PRKN: variants seen among roughly 807,000 people sequenced by gnomAD.
PRKN encodes parkin RBR E3 ubiquitin protein ligase.
Under a neutral mutation model 59.5 loss-of-function variants are expected in PRKN, and 56 were observed. The ratio of observed to expected loss-of-function variants is 0.94; its 90% CI spans 0.76 to 1.18. The LOEUF is 1.18. Among genes scored for constraint, PRKN ranks in the 50% most tolerant of loss-of-function variants. The pLI is 0.00. For missense variants in PRKN, 657 were observed against 596.4 expected (o/e 1.10, Z -1.06); for synonymous variants, 250 against 222.1 (o/e 1.13, Z -1.12).
At chr6:161,658,814 T>G (rs1664581238) in intron 7 of PRKN, among the ~76,000 whole-genome samples, 1 of 152,220 alleles carries the variant, frequency 6.6e-6, no homozygotes, top group Admixed American at 6.5e-5. Flanking sequence ...CAAGGAGCTG[T>G]TATTACAATG....
chr6:162,355,866 T>A (rs1184150837), intron 2 of PRKN, among the ~76,000 whole-genome samples: 3 of 152,194 alleles, frequency 2.0e-5, no homozygotes, highest in Admixed American at 2.0e-4. Context: ...ATTAATTAGG[T>A]TTACCTTAAC....
chr6:161,838,674 G>A (rs58551010), intron 6 of PRKN, among the ~76,000 whole-genome samples: 27,885 of 148,752 alleles, frequency 0.19, 2,821 homozygotes, highest in South Asian at 0.31. Context: ...CAGCGCCATT[G>A]CAGGAACTGT....
intron 3 of PRKN, among the ~76,000 whole-genome samples, chr6:162,239,799 G>T (rs1778909026): frequency 6.6e-6 from 1 of 150,566 alleles, no homozygotes; most frequent in Admixed American, 6.7e-5. Context: ...GGCCTCCAGT[G>T]GGCTCGACTA....
chr6:162,642,527 G>A (rs1174006574), intron 1 of PRKN, among the ~76,000 whole-genome samples: 1 of 151,968 alleles, frequency 6.6e-6, no homozygotes, highest in Non-Finnish European at 1.5e-5. Context: ...GGTCAAAACT[G>A]TAATTCAATA....
At chr6:162,580,435 T>C (rs1433462066) in intron 1 of PRKN, among the ~76,000 whole-genome samples, 1 of 128,370 alleles carries the variant, frequency 7.8e-6, no homozygotes, top group East Asian at 2.6e-4. Flanking sequence ...CAAGACCCTG[T>C]CTCAGAAAAA....
At chr6:161,944,901 T>C (rs1228527038) in intron 6 of PRKN, among the ~76,000 whole-genome samples, 1 of 152,234 alleles carries the variant, frequency 6.6e-6, no homozygotes, top group Non-Finnish European at 1.5e-5. Context: ...GAATACATGC[T>C]GTATTTACAA....
chr6:161,382,527 G>A (rs1394000740), intron 10 of PRKN, among the ~76,000 whole-genome samples: 1 of 152,222 alleles, frequency 6.6e-6, no homozygotes, highest in Non-Finnish European at 1.5e-5. Context: ...CAACTACCTA[G>A]AACCAGTTTA....
chr6:161,725,591 C>T (rs1042287465), intron 7 of PRKN, among the ~76,000 whole-genome samples: 1 of 152,166 alleles, frequency 6.6e-6, no homozygotes, highest in African/African-American at 2.4e-5. Flanking sequence ...ACTGGCTAAC[C>T]GCATGGCTCA....
chr6:161,937,567 C>T (rs1482165726), intron 6 of PRKN, among the ~76,000 whole-genome samples: 1 of 152,172 alleles, frequency 6.6e-6, no homozygotes, highest in Non-Finnish European at 1.5e-5. Flanking sequence ...GAACTACTGA[C>T]ATTTCAAACA....
At chr6:161,781,394 T>C (rs567036841) in intron 7 of PRKN, among the ~76,000 whole-genome samples, 2 of 152,298 alleles carry the variant, frequency 1.3e-5, no homozygotes, top group South Asian at 2.1e-4. Flanking sequence ...CATTCATCCC[T>C]GCCTCACTCC....
intron 3 of PRKN, among the ~76,000 whole-genome samples, chr6:162,242,953 T>C (rs1304223467): frequency 6.6e-6 from 1 of 152,076 alleles, no homozygotes; most frequent in Non-Finnish European, 1.5e-5. Context: ...TAGACATGTT[T>C]GTGAGATAAT....
chr6:161,402,897 G>A lies in PRKN; in HGVS notation c.1084-16020C>T, dbSNP rs142525976. Among the ~76,000 whole-genome samples the A allele has an allele frequency of 8.1e-4, 124 of 152,222 alleles. No homozygotes were observed. The highest frequency in any genetic ancestry group is 1.5e-3 in the Non-Finnish European group (99 of 68,006). ...TAGTCTCTCCAGGCATGGTGTCCAC[G>A]TACTCATCTTCCCCGGCTGACACAA... On this transcript the variant is annotated intron_variant, in intron 9 of 11. Coordinates refer to ENST00000366898, the MANE Select transcript of PRKN (RefSeq NM_004562.3). The surrounding 1 kb of genome is among the most constrained non-coding windows in gnomAD (Gnocchi z 4.5).
intron 1 of PRKN, among the ~76,000 whole-genome samples, chr6:162,620,340 A>C (rs1782612655): frequency 6.6e-6 from 1 of 152,072 alleles, no homozygotes; most frequent in South Asian, 2.1e-4. Context: ...CCTTCTGGTT[A>C]TTGTTAATTA....
intron 2 of PRKN, among the ~76,000 whole-genome samples, chr6:162,269,295 C>A (rs1394353008): frequency 6.6e-6 from 1 of 152,128 alleles, no homozygotes; most frequent in Non-Finnish European, 1.5e-5. Context: ...ACTGTAGGGA[C>A]CTGTTCATAA....
rs576854004 is a variant in PRKN at position 161,444,058 on chromosome 6, G to A, written c.1084-57181C>T. On this transcript the variant is annotated intron_variant, in intron 9 of 11. Transcript: ENST00000366898. The surrounding 1 kb of genome is among the most constrained non-coding windows in gnomAD (Gnocchi z 5.6). ...GGCTTAGGCCTTAGGCAGACAAAGA[G>A]CAAAAGTGTGGGAGGCTGGGTGGGG... Among the ~76,000 whole-genome samples, 3 of 152,354 alleles carry A rather than the reference G, an allele frequency of 2.0e-5. No individual in the cohort carries two copies. The South Asian group carries it at 6.2e-4, about 32-fold the overall frequency.
intron 1 of PRKN, among the ~76,000 whole-genome samples, chr6:162,654,105 T>C (rs1778550212): frequency 6.6e-6 from 1 of 152,194 alleles, no homozygotes; most frequent in Non-Finnish European, 1.5e-5. Context: ...TAAATCTATT[T>C]CAGATATAGG....
chr6:161,985,770 C>T (rs1327538443), intron 5 of PRKN, among the ~76,000 whole-genome samples: 2 of 152,170 alleles, frequency 1.3e-5, no homozygotes, highest in African/African-American at 4.8e-5. Flanking sequence ...CTCACTGCCT[C>T]CCACCTCACC....
chr6:162,204,618 C>T (rs980962132), intron 3 of PRKN, among the ~76,000 whole-genome samples: 44 of 152,090 alleles, frequency 2.9e-4, no homozygotes, highest in African/African-American at 1.0e-3. Flanking sequence ...AAAACATCAA[C>T]GAACTCATAT....
At chr6:161,707,745 C>T (rs1786566917) in intron 7 of PRKN, among the ~76,000 whole-genome samples, 1 of 152,146 alleles carries the variant, frequency 6.6e-6, no homozygotes, top group South Asian at 2.1e-4. Context: ...CTTTCCAATT[C>T]AGTGCTCTAA....
Sources: allele counts gnomAD v4.1 joint callset (sites outside exome capture counted in the v4.1 genomes callset), GRCh38; gene constraint gnomAD v4.1.1; non-coding constraint Gnocchi (gnomAD v3.1); transcripts MANE v1.5; gene names NCBI Gene and HGNC (gene_info 2026-07-23, HGNC 2026-07-21).